The following AGPAT3 variants were observed in gnomAD, a reference collection of about 807,000 sequenced individuals.
AGPAT3 encodes 1-acylglycerol-3-phosphate O-acyltransferase 3.
AGPAT3 carries 5 observed loss-of-function variants against 47.3 expected under a neutral mutation model. The observed-to-expected ratio is 0.11, with a 90% CI of 0.06 to 0.22. AGPAT3 has a LOEUF of 0.22. Among genes scored for constraint, AGPAT3 ranks in the 10% least tolerant of loss-of-function variants. The probability of loss-of-function intolerance (pLI) is 1.00; values close to 1 mark genes in which losing one functional copy is unlikely to be tolerated. For missense variants in AGPAT3, 315 were observed against 493.0 expected, an observed-to-expected ratio of 0.64 and a Z score of 3.42; for synonymous variants, 212 against 208.3, an observed-to-expected ratio of 1.02 and a Z score of -0.15.
rs946935271 is a variant in AGPAT3, at chr21:43,922,287, G to A, written c.-49+18268G>A. Among the ~76,000 whole-genome samples, 6 of 152,128 alleles carry A rather than the reference G, an allele frequency of 3.9e-5. No individual in the cohort carries two copies. The highest frequency in any genetic ancestry group is 8.8e-5 in the Non-Finnish European group (6 of 68,020). ...AGGCTCCTGTTCTTGTGGGGGTGGC[G>A]AGGCGAGGATGGTGAACACATCAGC... On this transcript the variant is annotated intron_variant, in intron 2 of 9. Transcript: ENST00000291572. This position sits in a 1 kb window ranked among gnomAD's most constrained non-coding sequence, Gnocchi z 4.9.
intron 8 of AGPAT3, 39 bp from the exon 9 acceptor site, chr21:43,980,950 G>T: frequency 3.8e-5 from 53 of 1,410,386 alleles, no homozygotes; most frequent in Non-Finnish European, 4.6e-5. Flanking sequence ...AGCTTGTAAA[G>T]AAGCCTCACG....
Position 43,970,797 on chromosome 21 carries a change from C to CG in AGPAT3, c.660dup (p.Thr221AspfsTer7). ...CTTCACCACCGCAGTCAAGTGCCTC[C>CG]GGGGGACAGGTAGGCCCCAGACTGC... On this transcript the variant is annotated frameshift_variant, in exon 6 of 10. Transcript: ENST00000291572. LOFTEE classifies it high-confidence loss of function. This position sits in a 1 kb window ranked among gnomAD's most constrained non-coding sequence, Gnocchi z 5.8. The CG allele has an allele frequency of 6.3e-7, 1 of 1,581,064 alleles. No individual in the cohort carries two copies. The highest frequency in any genetic ancestry group is 8.6e-7 in the Non-Finnish European group (1 of 1,158,016).
rs1046327168 is a variant in AGPAT3 at position 43,881,286 on chromosome 21, C to A, written c.-112+15941C>A. On this transcript the variant is annotated intron_variant, in intron 1 of 9. Transcript: ENST00000291572. ...GAAAACACATACATAAAGTATTGAACCCCTGCACCTGCCTCAAGTGGAGAA... is the reference window on the plus strand; with the variant it reads ...GAAAACACATACATAAAGTATTGAAACCCTGCACCTGCCTCAAGTGGAGAA... Among the ~76,000 whole-genome samples, 8 of 152,224 alleles carry A rather than the reference C, an allele frequency of 5.3e-5. No homozygotes were observed. In the East Asian group the frequency reaches 1.5e-3, roughly 29 times the overall value.
intron 2 of AGPAT3, among the ~76,000 whole-genome samples, chr21:43,941,052 C>A (rs2087636639): frequency 6.6e-6 from 1 of 152,210 alleles, no homozygotes; most frequent in Admixed American, 6.5e-5. Flanking sequence ...TGCGTGCCAG[C>A]CTCTGTCCAT....
intron 2 of AGPAT3, among the ~76,000 whole-genome samples, chr21:43,926,636 CTTTTT>C (rs557494803): frequency 0.026 from 2,234 of 86,438 alleles, 94 homozygotes; most frequent in Non-Finnish European, 0.034. Context: ...CTACGCTGGC[CTTTTT>C]TTTTTTTTTT....
At chr21:43,913,833 G>A (rs1291420428) in intron 2 of AGPAT3, among the ~76,000 whole-genome samples, 3 of 152,182 alleles carry the variant, frequency 2.0e-5, no homozygotes, top group East Asian at 1.9e-4. Context: ...CAGGAGTACC[G>A]AGGTCGAGAG....
chr21:43,954,013 GAAAAATA>G lies in AGPAT3; in HGVS notation c.-48-5609_-48-5603del, dbSNP rs1018600649. 4.6e-5 allele frequency among the ~76,000 whole-genome samples: 7 copies of G among 152,154 alleles called. No individual in the cohort carries two copies. Among genetic ancestry groups the G allele is most frequent in the African/African-American group, 1.7e-4 (7 of 41,446 alleles). ...ATTCTGTCTCTATAAATAAATAGAT[GAAAAATA>G]AAAAATAAAAATGTAGACGTCAACT... On this transcript the variant is annotated intron_variant, in intron 2 of 9. Coordinates refer to ENST00000291572, the MANE Select transcript of AGPAT3 (RefSeq NM_020132.5). The surrounding 1 kb of genome is among the most constrained non-coding windows in gnomAD (Gnocchi z 4.0).
chr21:43,969,093 G>A (rs751212513), intron 4 of AGPAT3, 25 bp from the exon 5 acceptor site: 3 of 1,612,776 alleles, frequency 1.9e-6, no homozygotes, highest in African/African-American at 2.7e-5. Flanking sequence ...GAAGTGCCAG[G>A]TGCCCCTCCT....
chr21:43,935,752 G>C (rs535613659), intron 2 of AGPAT3, among the ~76,000 whole-genome samples: 2 of 152,210 alleles, frequency 1.3e-5, no homozygotes, highest in African/African-American at 4.8e-5. Flanking sequence ...TGACCCAGGC[G>C]TGGGGCAGGA....
At position 43,911,827 on chromosome 21, in the gene AGPAT3, G is replaced by A. The variant is rs556490630; in HGVS notation, c.-49+7808G>A. ...CTGAAGTGCAGGCCAGCAGAGACGG[G>A]GGCGGTGGCTTTCGTCTGACCATGC... On this transcript the variant is annotated intron_variant, in intron 2 of 9. Coordinates refer to ENST00000291572, the MANE Select transcript of AGPAT3 (RefSeq NM_020132.5). 6.0e-4 allele frequency among the ~76,000 whole-genome samples: 91 copies of A among 152,358 alleles called. 1 individual carries two copies. The highest frequency in any genetic ancestry group is 2.1e-3 in the African/African-American group (88 of 41,578).
chr21:43,942,707 C>T (rs1348511927), intron 2 of AGPAT3, among the ~76,000 whole-genome samples: 1 of 152,220 alleles, frequency 6.6e-6, no homozygotes, highest in Non-Finnish European at 1.5e-5. Context: ...GGCCCTGCAG[C>T]CACGCCTGCC....
At chr21:43,972,310 A>G (rs980215943) in intron 7 of AGPAT3, among the ~76,000 whole-genome samples, 1 of 151,984 alleles carries the variant, frequency 6.6e-6, no homozygotes, top group African/African-American at 2.4e-5. Context: ...TCGCCTGGCT[A>G]ATTTCATATT....
At chr21:43,944,112 G>A (rs1365067933) in intron 2 of AGPAT3, among the ~76,000 whole-genome samples, 1 of 152,242 alleles carries the variant, frequency 6.6e-6, no homozygotes, top group Admixed American at 6.5e-5. Flanking sequence ...GCCAAGTATG[G>A]AAACGAGCCA....
intron 2 of AGPAT3, among the ~76,000 whole-genome samples, chr21:43,911,860 C>T (rs1244131477): frequency 7.9e-5 from 12 of 152,350 alleles, no homozygotes. Flanking sequence ...TGCCTAGTCA[C>T]GAGGCTGCTG....
intron 2 of AGPAT3, among the ~76,000 whole-genome samples, chr21:43,959,055 TATGGTATGCGTG>T: frequency 1.5e-5 from 1 of 64,790 alleles, no homozygotes; most frequent in Admixed American, 1.6e-4. Flanking sequence ...TGGTTTGTGG[TATGGTATGCGTG>T]GTGTGTGTGG....
At chr21:43,978,161 G>A in intron 8 of AGPAT3, 40 bp downstream of exon 8, 2 of 1,590,284 alleles carry the variant, frequency 1.3e-6, no homozygotes, top group Non-Finnish European at 1.7e-6. Context: ...CCGGTCTCCT[G>A]AAGAGGCTGT....
intron 4 of AGPAT3, 131 bp downstream of exon 4, chr21:43,968,246 G>T (rs933291131): frequency 6.2e-6 from 7 of 1,134,206 alleles, no homozygotes; most frequent in Non-Finnish European, 8.6e-6. Context: ...GTGGTGACTG[G>T]GAGTGAGCTG....
chr21:43,878,385 T>C (rs1231607991), intron 1 of AGPAT3, among the ~76,000 whole-genome samples: 3 of 152,220 alleles, frequency 2.0e-5, no homozygotes, highest in Non-Finnish European at 4.4e-5. Context: ...CCGCTTCAGT[T>C]CACATTGCAC....
At chr21:43,865,666 C>T (rs2085488022) in intron 1 of AGPAT3, among the ~76,000 whole-genome samples, 1 of 150,998 alleles carries the variant, frequency 6.6e-6, no homozygotes, top group African/African-American at 2.4e-5. Context: ...GCGGGGAGGC[C>T]CGGGGGTTCG....
Sources: allele counts gnomAD v4.1 joint callset (sites outside exome capture counted in the v4.1 genomes callset), GRCh38; gene constraint gnomAD v4.1.1; non-coding constraint Gnocchi (gnomAD v3.1); transcripts MANE v1.5; gene names NCBI Gene and HGNC (gene_info 2026-07-23, HGNC 2026-07-21).